The following OPTN variants were observed in gnomAD, a reference collection of about 807,000 sequenced individuals.
OPTN encodes the protein E3-14.7K-interacting protein.
Under a neutral mutation model 70.4 loss-of-function variants are expected in OPTN, and 54 were observed. That is an observed-to-expected ratio of 0.77 (90% confidence interval 0.62 to 0.96). The LOEUF (loss-of-function observed/expected upper bound fraction) is 0.96. OPTN is among the 40% of genes least tolerant of loss of function. OPTN has a pLI of 0.00. For missense variants in OPTN, 624 were observed against 673.2 expected (o/e 0.93, Z 0.81); for synonymous variants, 256 against 248.5 (o/e 1.03, Z -0.28).
At chr10:13,123,971 T>C (rs759655100) in intron 8 of OPTN, 24 bp from the exon 9 acceptor site, 1 of 1,514,022 alleles carries the variant, frequency 6.6e-7, no homozygotes, top group Non-Finnish European at 9.2e-7. Context: ...TGTACAGATA[T>C]GTTTGGGATT....
chr10:13,103,308 G>C (rs1040566132), intron 1 of OPTN, among the ~76,000 whole-genome samples: 2 of 152,190 alleles, frequency 1.3e-5, no homozygotes, highest in African/African-American at 4.8e-5. Flanking sequence ...CAAAAAGCAA[G>C]TTTTCACTGT....
At chr10:13,116,167 G>A (rs1486163180) in intron 5 of OPTN, 100 bp from the exon 6 acceptor site, 6 of 814,468 alleles carry the variant, frequency 7.4e-6, no homozygotes, top group African/African-American at 1.7e-5. Flanking sequence ...TCCTTGGGTT[G>A]CATGTCACAA....
chr10:13,124,785 G>A (rs1431962128), intron 9 of OPTN, among the ~76,000 whole-genome samples: 1 of 152,184 alleles, frequency 6.6e-6, no homozygotes, highest in Admixed American at 6.5e-5. Flanking sequence ...TAACATATGA[G>A]TCTGCAACTT....
intron 8 of OPTN, chr10:13,123,277 G>C (rs1472345572): frequency 6.6e-6 from 1 of 152,624 alleles, no homozygotes; most frequent in Non-Finnish European, 1.5e-5. Flanking sequence ...TTCAGCTTTC[G>C]GAAGTTAATG....
Position 13,137,204 on chromosome 10 carries a change from AG to A in OPTN, c.*340del, listed in dbSNP as rs1469539464. 7.3e-6 allele frequency: 3 copies of A among 410,858 alleles called. No homozygotes were observed. The highest frequency in any genetic ancestry group is 6.0e-5 in the African/African-American group (3 of 49,710). 25.5% of individuals were successfully genotyped at this position (410,858 alleles called of 1,614,324 possible). A position where few individuals can be genotyped will look rare whatever the true frequency, so the allele number is the denominator to read the frequency against. ...TGAGGCAGGAGAATTGCTTGAACCC[AG>A]GAAGTGGCAGTTGCAGTGAGCCGAG... On this transcript the variant is annotated 3_prime_UTR_variant, in exon 15 of 15. Transcript: ENST00000378747.
At chr10:13,112,084 C>CA (rs1755242405) in intron 4 of OPTN, among the ~76,000 whole-genome samples, 1 of 150,962 alleles carries the variant, frequency 6.6e-6, no homozygotes, top group Non-Finnish European at 1.5e-5. Context: ...TCCTGACCTT[C>CA]ATGATCCGCC....
chr10:13,117,712 G>A (rs1387639491), intron 6 of OPTN, among the ~76,000 whole-genome samples: 1 of 152,224 alleles, frequency 6.6e-6, no homozygotes. Flanking sequence ...CTCCCAAAGC[G>A]CTGGGATTAC....
rs1035350640 is a variant in OPTN, at chr10:13,133,654, C to T, written c.1612+73C>T. The T allele has an allele frequency of 9.7e-6, 13 of 1,335,778 alleles. No individual in the cohort carries two copies. In the African/African-American group the frequency reaches 1.6e-4, roughly 16 times the overall value. 82.7% of individuals were successfully genotyped at this position (1,335,778 alleles called of 1,614,324 possible). ...AAAAGATGCTTGAAGAAAAATTCCA[C>T]TTCATTCTCTACAATGGATTCCAAA... is the stretch of plus-strand genomic sequence containing the variant. On this transcript the variant is annotated intron_variant, in intron 14 of 14. Coordinates refer to ENST00000378747, the MANE Select transcript of OPTN (RefSeq NM_001008212.2).
At chr10:13,100,401 C>T (rs1331366371) in intron 1 of OPTN, 99 bp downstream of exon 1, 1 of 152,260 alleles carries the variant, frequency 6.6e-6, no homozygotes, top group East Asian at 1.9e-4. Context: ...CCGCCCTGCC[C>T]CGCGGCCCGG....
chr10:13,120,570 CAA>C (rs757531804), intron 7 of OPTN, among the ~76,000 whole-genome samples: 39 of 75,360 alleles, frequency 5.2e-4, no homozygotes, highest in Admixed American at 5.9e-4. Context: ...GACTCTGTCT[CAA>C]AAAAAAAAAA....
chr10:13,135,690 G>A (rs1833684282), intron 14 of OPTN, among the ~76,000 whole-genome samples: 1 of 152,056 alleles, frequency 6.6e-6, no homozygotes, highest in Non-Finnish European at 1.5e-5. Context: ...TGAGATGATT[G>A]CCTCTGCTTC....
chr10:13,128,344 C>A (rs1471259097), intron 12 of OPTN, among the ~76,000 whole-genome samples: 1 of 152,050 alleles, frequency 6.6e-6, no homozygotes, highest in Non-Finnish European at 1.5e-5. Context: ...CTTACCAACA[C>A]TTCTATTATC....
chr10:13,117,247 A>C (rs1463375108), intron 6 of OPTN, among the ~76,000 whole-genome samples: 2 of 150,702 alleles, frequency 1.3e-5, no homozygotes, highest in African/African-American at 4.9e-5. Context: ...TGCCCGGCTA[A>C]TTTTTTGTAT....
chr10:13,129,981 G>A (rs887012759), intron 12 of OPTN, among the ~76,000 whole-genome samples: 3 of 152,176 alleles, frequency 2.0e-5, no homozygotes, highest in African/African-American at 4.8e-5. Context: ...CAGCTCTTCA[G>A]AGCATTTCCT....
rs193222991 is a variant in OPTN, at chr10:13,111,917, G to T, written c.370-536G>T. ...GGCTGGAGTACAGTGGCATAATCTCGGCTCACTGCAAGCTCCGCCTCCCAG... is the reference window on the plus strand; with the variant it reads ...GGCTGGAGTACAGTGGCATAATCTCTGCTCACTGCAAGCTCCGCCTCCCAG... On this transcript the variant is annotated intron_variant, in intron 4 of 14. Coordinates refer to ENST00000378747, the MANE Select transcript of OPTN (RefSeq NM_001008212.2). 8.6e-3 allele frequency among the ~76,000 whole-genome samples: 1,128 copies of T among 130,892 alleles called. 3 individuals carry two copies. The highest frequency in any genetic ancestry group is 0.012 in the Non-Finnish European group (748 of 64,736). The allele number at this position is 130,892 out of a possible 152,430, so 85.9% of individuals were successfully genotyped here. A position where few individuals can be genotyped will look rare whatever the true frequency, so the allele number is the denominator to read the frequency against.
chr10:13,115,179 T>A (rs1247195071), intron 5 of OPTN, among the ~76,000 whole-genome samples: 1,022 of 41,958 alleles, frequency 0.024, 11 homozygotes, highest in Non-Finnish European at 0.04. Flanking sequence ...TATCTATATT[T>A]TATATATATA....
At chr10:13,103,833 A>G (rs1011400903) in intron 1 of OPTN, among the ~76,000 whole-genome samples, 8 of 152,118 alleles carry the variant, frequency 5.3e-5, no homozygotes, top group African/African-American at 7.2e-5. Flanking sequence ...CCATCCATCT[A>G]CTAGGCAGTC....
chr10:13,109,278 C>A lies in OPTN; in HGVS notation c.156C>A (p.His52Gln). The A allele has an allele frequency of 6.2e-7, 1 of 1,613,958 alleles. No individual in the cohort carries two copies. ...TGAAAGAGCTCCTGACCGAGAACCA[C>A]CAGCTGAAAGGTGAGCAGGGCTGGC... The part of the protein sequence containing the change: ...QQMKELLTEN[H>Q]QLKEAMKLNN... Residue 52 changes from histidine (H) to glutamine (Q), a missense_variant, in exon 3 of 15, where the codon CAC becomes CAA. Physicochemically the swap from His to Gln is conservative, Grantham distance 24. Coordinates refer to ENST00000378747, the MANE Select transcript of OPTN (RefSeq NM_001008212.2).
chr10:13,131,769 A>G (rs961952073), intron 12 of OPTN, among the ~76,000 whole-genome samples: 1 of 152,200 alleles, frequency 6.6e-6, no homozygotes, highest in African/African-American at 2.4e-5. Context: ...TGAATTGTTT[A>G]TTATCTAAAA....
Sources: allele counts gnomAD v4.1 joint callset (sites outside exome capture counted in the v4.1 genomes callset), GRCh38; gene constraint gnomAD v4.1.1; transcripts MANE v1.5; gene names NCBI Gene and HGNC (gene_info 2026-07-23, HGNC 2026-07-21).